EYS: variants seen among roughly 807,000 people sequenced by gnomAD.
EYS encodes protein eyes shut homolog.
Under a neutral mutation model 282.1 loss-of-function variants are expected in EYS, and 250 were observed. The ratio of observed to expected loss-of-function variants is 0.89; its 90% CI spans 0.80 to 0.98. The LOEUF (loss-of-function observed/expected upper bound fraction) is 0.98. EYS is among the 50% of genes least tolerant of loss of function. The pLI is 0.00. For synonymous variants in EYS, 1,355 were observed against 1,282.9 expected (o/e 1.06, Z -1.20); for missense variants, 4,016 against 3,709.0 (o/e 1.08, Z -2.15).
chr6:65,151,662 G>T (rs900437594), intron 12 of EYS, among the ~76,000 whole-genome samples: 8 of 151,796 alleles, frequency 5.3e-5, no homozygotes, highest in Non-Finnish European at 1.0e-4. Flanking sequence ...TCATTCTAAC[G>T]TGCTATTTTG....
intron 12 of EYS, among the ~76,000 whole-genome samples, chr6:65,103,923 C>A (rs891339742): frequency 6.6e-6 from 1 of 151,424 alleles, no homozygotes; most frequent in African/African-American, 2.4e-5. Flanking sequence ...GCCTAACAAA[C>A]TCCCAGTCAT....
intron 41 of EYS, among the ~76,000 whole-genome samples, chr6:63,734,026 A>G (rs1270157096): frequency 2.6e-5 from 4 of 152,200 alleles, no homozygotes; most frequent in Non-Finnish European, 4.4e-5. Context: ...ACACAGAAAC[A>G]GAAAACCAAA....
At chr6:64,323,615 A>G (rs892214084) in intron 29 of EYS, among the ~76,000 whole-genome samples, 2 of 152,178 alleles carry the variant, frequency 1.3e-5, no homozygotes, top group African/African-American at 4.8e-5. Context: ...TAACTACTTC[A>G]GTATAAATTT....
intron 1 of EYS, among the ~76,000 whole-genome samples, chr6:65,658,110 G>A (rs1008430801): frequency 1.3e-5 from 2 of 151,718 alleles, no homozygotes; most frequent in Non-Finnish European, 3.0e-5. Context: ...ATATGTGCTG[G>A]TAACCAAATA....
chr6:65,012,668 AG>A (rs140554624), intron 13 of EYS, among the ~76,000 whole-genome samples: 5,459 of 152,224 alleles, frequency 0.036, 319 homozygotes, highest in African/African-American at 0.12. Context: ...AAAAATAGTA[AG>A]GGGGACTGCC....
At chr6:65,097,964 T>C (rs764583724) in intron 12 of EYS, among the ~76,000 whole-genome samples, 14 of 150,814 alleles carry the variant, frequency 9.3e-5, no homozygotes, top group Non-Finnish European at 1.9e-4. Context: ...CTGTAAAATA[T>C]TATGTTGTTT....
chr6:65,184,390 C>T (rs1053933576), intron 12 of EYS, among the ~76,000 whole-genome samples: 2 of 151,764 alleles, frequency 1.3e-5, no homozygotes, highest in Admixed American at 1.3e-4. Context: ...CAGCATTAAT[C>T]TATTCATGAG....
At chr6:64,543,518 T>G (rs1039685120) in intron 26 of EYS, among the ~76,000 whole-genome samples, 14 of 152,060 alleles carry the variant, frequency 9.2e-5, no homozygotes, top group Admixed American at 2.0e-4. Flanking sequence ...GTATTATAAA[T>G]TTGGATTCTA....
At chr6:65,175,390 T>C (rs1049092604) in intron 12 of EYS, among the ~76,000 whole-genome samples, 2 of 151,336 alleles carry the variant, frequency 1.3e-5, no homozygotes, top group African/African-American at 4.8e-5. Flanking sequence ...ATGCAGGATA[T>C]CCAAGGTAAA....
At chr6:65,408,528 T>A (rs1450979139) in intron 5 of EYS, among the ~76,000 whole-genome samples, 2 of 152,128 alleles carry the variant, frequency 1.3e-5, no homozygotes, top group Non-Finnish European at 2.9e-5. Context: ...GTTCATAATA[T>A]CTCCTTATAA....
intron 22 of EYS, among the ~76,000 whole-genome samples, chr6:64,776,393 C>T (rs901580108): frequency 6.6e-6 from 1 of 151,922 alleles, no homozygotes; most frequent in Non-Finnish European, 1.5e-5. Flanking sequence ...ATCTATAACA[C>T]CAGACAAAGA....
At chr6:65,667,008 C>A (rs1245158199) in intron 1 of EYS, among the ~76,000 whole-genome samples, 1 of 150,786 alleles carries the variant, frequency 6.6e-6, no homozygotes. Context: ...AATACATATG[C>A]CTGGAGATGG....
intron 39 of EYS, 180 bp from the exon 40 acceptor site, chr6:63,778,360 G>T (rs1033105461): frequency 4.9e-6 from 3 of 608,982 alleles, no homozygotes; most frequent in Non-Finnish European, 8.5e-6. Context: ...AGTCATTCAT[G>T]ATATCATTTC....
chr6:65,260,930 T>C (rs2150258044), intron 12 of EYS, among the ~76,000 whole-genome samples: 1 of 152,238 alleles, frequency 6.6e-6, no homozygotes, highest in East Asian at 1.9e-4. Flanking sequence ...TAATCCATTT[T>C]CCAAATATTA....
chr6:63,854,166 G>A (rs1472990107), intron 36 of EYS, among the ~76,000 whole-genome samples: 1 of 152,066 alleles, frequency 6.6e-6, no homozygotes, highest in Admixed American at 6.6e-5. Context: ...TATGTTCATT[G>A]CAGCACTATT....
intron 5 of EYS, among the ~76,000 whole-genome samples, chr6:65,445,358 G>C (rs1037207674): frequency 4.0e-5 from 6 of 151,726 alleles, no homozygotes; most frequent in African/African-American, 1.5e-4. Context: ...AAGTATAATA[G>C]TATTCATCTT....
rs368955065 is a variant in EYS, at chr6:65,091,565, C to A, written c.2024-33838G>T. Among the ~76,000 whole-genome samples, 61 of 151,832 alleles carry A rather than the reference C, an allele frequency of 4.0e-4. 1 individual carries two copies. The highest frequency in any genetic ancestry group is 4.1e-4 in the South Asian group (2 of 4,826). ...TAAAAATAATCTGACAACAAATGAG[C>A]TGAATATAGTAATTATGAAATCAAT... On this transcript the variant is annotated intron_variant, in intron 12 of 42. Transcript: ENST00000503581.
At chr6:64,487,778 A>G (rs901894474) in intron 26 of EYS, among the ~76,000 whole-genome samples, 3 of 150,782 alleles carry the variant, frequency 2.0e-5, no homozygotes, top group Non-Finnish European at 4.5e-5. Context: ...ACAGCATAAT[A>G]TTTTTTAATT....
chr6:64,288,277 A>G (rs1768572079), intron 30 of EYS, among the ~76,000 whole-genome samples: 1 of 152,044 alleles, frequency 6.6e-6, no homozygotes, highest in Non-Finnish European at 1.5e-5. Context: ...TTTTTAATGC[A>G]TATCATATAC....
Sources: gnomAD v4.1 joint callset for allele counts (sites outside exome capture counted in the v4.1 genomes callset) on GRCh38, gnomAD v4.1.1 for gene constraint, MANE v1.5 for transcripts, NCBI Gene and HGNC (gene_info 2026-07-23, HGNC 2026-07-21) for gene names.